ZBTB20: variants seen among roughly 807,000 people sequenced by gnomAD.
The protein encoded by ZBTB20 is zinc finger and BTB domain containing 20.
ZBTB20 carries 9 observed loss-of-function variants against 56.9 expected under a neutral mutation model. That is an observed-to-expected ratio of 0.16 (90% confidence interval 0.10 to 0.28). The LOEUF (loss-of-function observed/expected upper bound fraction) is 0.28, where lower values mean the gene tolerates loss of function less well. Among genes scored for constraint, ZBTB20 ranks in the 10% least tolerant of loss-of-function variants. The probability of loss-of-function intolerance (pLI) is 1.00; values close to 1 mark genes in which losing one functional copy is unlikely to be tolerated. For missense variants in ZBTB20, 655 were observed against 1,003.0 expected (o/e 0.65, Z 4.69); for synonymous variants, 417 against 420.7 (o/e 0.99, Z 0.11).
chr3:114,758,895 C>G (rs565002031), intron 5 of ZBTB20: 1 of 152,292 alleles, frequency 6.6e-6, no homozygotes, highest in South Asian at 2.1e-4. Context: ...ATCACACTTA[C>G]CTGCACAAGT....
chr3:114,828,400 G>A (rs2073664797), intron 4 of ZBTB20, among the ~76,000 whole-genome samples: 1 of 151,604 alleles, frequency 6.6e-6, no homozygotes, highest in Admixed American at 6.6e-5. Flanking sequence ...CACGTTTAAT[G>A]ACTTATTCTG....
chr3:114,725,397 AAAT>A (rs1206016597), intron 5 of ZBTB20, among the ~76,000 whole-genome samples: 1 of 145,050 alleles, frequency 6.9e-6, no homozygotes, highest in Non-Finnish European at 1.5e-5. Flanking sequence ...TCTTCTTACA[AAAT>A]AATAAACAGG....
At chr3:114,656,621 T>C (rs1293660595) in intron 6 of ZBTB20, among the ~76,000 whole-genome samples, 1 of 152,182 alleles carries the variant, frequency 6.6e-6, no homozygotes, top group Non-Finnish European at 1.5e-5. Context: ...CTACAATCTA[T>C]TGTTAAGCCA....
intron 6 of ZBTB20, among the ~76,000 whole-genome samples, chr3:114,668,104 G>T (rs918984638): frequency 6.6e-6 from 1 of 151,864 alleles, no homozygotes; most frequent in Non-Finnish European, 1.5e-5. Flanking sequence ...AATGTAAAGG[G>T]TATATTATTT....
intron 7 of ZBTB20, among the ~76,000 whole-genome samples, chr3:114,424,401 T>C (rs1017606442): frequency 1.3e-5 from 2 of 152,176 alleles, no homozygotes; most frequent in Non-Finnish European, 2.9e-5. Context: ...TCCCCACCTC[T>C]CCATTTACAT....
chr3:114,401,027 A>C (rs1299166866), intron 7 of ZBTB20, among the ~76,000 whole-genome samples: 2 of 151,028 alleles, frequency 1.3e-5, no homozygotes, highest in Non-Finnish European at 2.9e-5. Context: ...ACCCCTGGTA[A>C]CTGAACGTCT....
intron 2 of ZBTB20, among the ~76,000 whole-genome samples, chr3:115,044,275 C>A (rs1414790474): frequency 2.0e-5 from 3 of 152,162 alleles, no homozygotes; most frequent in South Asian, 2.1e-4. Flanking sequence ...AGCCAACCAG[C>A]GTAGGTTCAC....
chr3:114,713,208 G>T (rs1210943782), intron 5 of ZBTB20, among the ~76,000 whole-genome samples: 1 of 151,710 alleles, frequency 6.6e-6, no homozygotes, highest in East Asian at 1.9e-4. Flanking sequence ...ACATTAATTT[G>T]GGGTGTTAGG....
intron 3 of ZBTB20, among the ~76,000 whole-genome samples, chr3:114,927,039 A>G (rs2076184533): frequency 6.6e-6 from 1 of 152,192 alleles, no homozygotes; most frequent in African/African-American, 2.4e-5. Flanking sequence ...AGGAAAATAA[A>G]TCTTGGGGCC....
intron 6 of ZBTB20, among the ~76,000 whole-genome samples, chr3:114,640,329 T>A (rs1006764145): frequency 6.6e-6 from 1 of 152,048 alleles, no homozygotes; most frequent in Non-Finnish European, 1.5e-5. Context: ...TCCTTCTAAT[T>A]AGGTCTTGAA....
intron 4 of ZBTB20, among the ~76,000 whole-genome samples, chr3:114,868,010 G>A (rs976102036): frequency 2.6e-5 from 4 of 152,094 alleles, no homozygotes; most frequent in Non-Finnish European, 4.4e-5. Context: ...ACTTCACGTA[G>A]TCTGTACAGG....
intron 7 of ZBTB20, among the ~76,000 whole-genome samples, chr3:114,496,876 C>T (rs1333238030): frequency 6.6e-6 from 1 of 152,188 alleles, no homozygotes; most frequent in Non-Finnish European, 1.5e-5. Context: ...AAGAGACAAG[C>T]AGGACACTGG....
chr3:114,722,741 A>G (rs2108500747), intron 5 of ZBTB20, among the ~76,000 whole-genome samples: 1 of 152,328 alleles, frequency 6.6e-6, no homozygotes, highest in Middle Eastern at 3.4e-3. Context: ...ATGACAAGCC[A>G]ATGAGAGAAT....
chr3:114,458,354 CT>C, intron 7 of ZBTB20, among the ~76,000 whole-genome samples: 1 of 151,952 alleles, frequency 6.6e-6, no homozygotes, highest in African/African-American at 2.4e-5. Context: ...ATTTAGGGTG[CT>C]TTTTTTTCTA....
chr3:114,658,482 C>G (rs1302788039), intron 6 of ZBTB20: 2 of 152,176 alleles, frequency 1.3e-5, no homozygotes, highest in African/African-American at 4.8e-5. Flanking sequence ...TCCAACCATT[C>G]CCTCTAACTA....
At chr3:114,489,900 ATCATT>A (rs1488215873) in intron 7 of ZBTB20, among the ~76,000 whole-genome samples, 3 of 152,182 alleles carry the variant, frequency 2.0e-5, no homozygotes, top group Non-Finnish European at 4.4e-5. Flanking sequence ...TTTCTAAGCT[ATCATT>A]TTATAATGCT....
At chr3:114,996,369 C>A (rs2079027098) in intron 2 of ZBTB20, among the ~76,000 whole-genome samples, 1 of 151,730 alleles carries the variant, frequency 6.6e-6, no homozygotes, top group African/African-American at 2.4e-5. Flanking sequence ...CCTCCCACCC[C>A]CCAAAAGGCC....
In ZBTB20 at chr3:114,317,674, C is replaced by A. The variant is rs1194030861; in HGVS notation, c.*21331G>T. 1 of 152,098 alleles carries A rather than the reference C, an allele frequency of 6.6e-6. No homozygotes were observed. The highest frequency in any genetic ancestry group is 1.5e-5 in the Non-Finnish European group (1 of 68,028). The allele number at this position is 152,098 out of a possible 1,614,324, so 9.4% of individuals were successfully genotyped here. Reference sequence around the variant, plus strand: ...CCAAATCTTCCACTAACACATCAACCTCCCCTATCACTTTTTAAAAAAATT... The same window carrying A: ...CCAAATCTTCCACTAACACATCAACATCCCCTATCACTTTTTAAAAAAATT... On this transcript the variant is annotated 3_prime_UTR_variant, in exon 12 of 12. Coordinates refer to ENST00000675478, the MANE Select transcript of ZBTB20 (RefSeq NM_001348800.3).
intron 4 of ZBTB20, among the ~76,000 whole-genome samples, chr3:114,853,736 A>G (rs1576112699): frequency 1.3e-5 from 2 of 152,362 alleles, no homozygotes; most frequent in East Asian, 3.9e-4. Flanking sequence ...GAAGTTATAA[A>G]TTAAAACTTT....
Sources: gnomAD v4.1 joint callset for allele counts (sites outside exome capture counted in the v4.1 genomes callset) on GRCh38, gnomAD v4.1.1 for gene constraint, MANE v1.5 for transcripts, NCBI Gene and HGNC (gene_info 2026-07-23, HGNC 2026-07-21) for gene names.